Variants in RGS22 observed in about 807,000 individuals in gnomAD.
The protein encoded by RGS22 is regulator of G-protein signaling 22.
A neutral mutation model predicts 172.9 loss-of-function variants in RGS22; 148 were observed. The ratio of observed to expected loss-of-function variants is 0.86; its 90% CI spans 0.75 to 0.98. The LOEUF is 0.98. Among genes scored for constraint, RGS22 ranks in the 50% least tolerant of loss-of-function variants. The pLI is 0.00. For synonymous variants in RGS22, 458 were observed against 480.2 expected, an observed-to-expected ratio of 0.95 and a Z score of 0.60; for missense variants, 1,347 against 1,440.8, an observed-to-expected ratio of 0.93 and a Z score of 1.05.
intron 4 of RGS22, among the ~76,000 whole-genome samples, chr8:100,076,720 C>T (rs558009284): frequency 4.2e-4 from 64 of 152,240 alleles, no homozygotes; most frequent in African/African-American, 1.3e-3. Flanking sequence ...GGGCCGGGCA[C>T]GGTGGTTCAT....
intron 14 of RGS22, among the ~76,000 whole-genome samples, chr8:100,029,593 C>T (rs1204643454): frequency 1.3e-5 from 2 of 150,962 alleles, no homozygotes; most frequent in Non-Finnish European, 2.9e-5. Flanking sequence ...ATCCCAGCTA[C>T]TTGGGAGGCT....
chr8:99,965,472 T>C (rs1306615361), intron 23 of RGS22, 42 bp from the exon 24 acceptor site: 1 of 1,363,714 alleles, frequency 7.3e-7, no homozygotes, highest in Non-Finnish European at 1.0e-6. Context: ...GAAAAGATAA[T>C]GATATGTTAA....
At chr8:100,066,125 T>C (rs1458742844) in intron 7 of RGS22, 42 bp downstream of exon 7, 1 of 1,585,556 alleles carries the variant, frequency 6.3e-7, no homozygotes, top group East Asian at 2.3e-5. Context: ...AACAAAAACT[T>C]AAAGAGAAGT....
chr8:100,031,347 C>T lies in RGS22; in HGVS notation c.2166+7584G>A, dbSNP rs138032079. 2.2e-3 allele frequency among the ~76,000 whole-genome samples: 330 copies of T among 152,150 alleles called. 2 individuals are homozygous for T. Among genetic ancestry groups the T allele is most frequent in the African/African-American group, 7.2e-3 (300 of 41,522 alleles). On this transcript the variant is annotated intron_variant, in intron 14 of 27. Coordinates refer to ENST00000360863, the MANE Select transcript of RGS22 (RefSeq NM_015668.5). ...TTAAAATAACAGTGTGTTACCCTGA[C>T]GTCCAATCCAATAAGACAAAAATCT... is the stretch of plus-strand genomic sequence containing the variant.
chr8:100,066,761 T>C (rs1014254642), intron 6 of RGS22, among the ~76,000 whole-genome samples: 6 of 152,312 alleles, frequency 3.9e-5, no homozygotes, highest in Admixed American at 3.9e-4. Context: ...AGAGACACTA[T>C]TCTTAGTGCC....
chr8:99,969,033 G>A lies in RGS22; in HGVS notation c.3520-3603C>T, dbSNP rs76689240. Among the ~76,000 whole-genome samples, 80 of 152,230 alleles carry A rather than the reference G, an allele frequency of 5.3e-4. 1 individual carries two copies. The highest frequency in any genetic ancestry group is 2.0e-3 in the Admixed American group (31 of 15,290). On this transcript the variant is annotated intron_variant, in intron 23 of 27. Transcript: ENST00000360863. ...AAGGGAAGACCATCAGACTGACAGC[G>A]GATCTCTCGGCAGAAACCCCATAGG...
At chr8:99,984,867 A>G (rs1812918273) in intron 21 of RGS22, among the ~76,000 whole-genome samples, 1 of 152,094 alleles carries the variant, frequency 6.6e-6, no homozygotes, top group Admixed American at 6.6e-5. Context: ...AGTTTTTAAA[A>G]AAGATCAATG....
intron 14 of RGS22, among the ~76,000 whole-genome samples, chr8:100,015,081 C>T (rs192963780): frequency 6.6e-6 from 1 of 152,300 alleles, no homozygotes; most frequent in African/African-American, 2.4e-5. Context: ...AAAAATTTAA[C>T]AATCAATGTG....
At position 100,072,229 on chromosome 8, in the gene RGS22, C is replaced by T. The variant is rs375674326; in HGVS notation, c.341G>A (p.Cys114Tyr). 1 of 1,566,602 alleles carries T rather than the reference C, an allele frequency of 6.4e-7. No individual in the cohort carries two copies. The highest frequency in any genetic ancestry group is 8.7e-7 in the Non-Finnish European group (1 of 1,155,956). ...CTTAATACCTTCTTCACGACTGAGA[C>T]ACTATGAGAAGAAAGAGAAAAAGAA... ...ETINVNYNIM[C>Y]LSREEGIKWI... Residue 114 changes from cysteine (C) to tyrosine (Y), a missense_variant and splice_region_variant, in exon 5 of 28, where the codon TGT becomes TAT. Physicochemically the swap from Cys to Tyr is radical, Grantham distance 194 (BLOSUM62 -2). Transcript: ENST00000360863.
At chr8:99,984,510 G>A (rs550035855) in intron 21 of RGS22, among the ~76,000 whole-genome samples, 12 of 152,116 alleles carry the variant, frequency 7.9e-5, no homozygotes, top group Non-Finnish European at 1.5e-4. Flanking sequence ...TAAGGTCTGA[G>A]TTTAAGCATA....
chr8:100,047,929 T>A (rs771598736), intron 10 of RGS22, among the ~76,000 whole-genome samples: 1 of 150,078 alleles, frequency 6.7e-6, no homozygotes, highest in Non-Finnish European at 1.5e-5. Flanking sequence ...TAGAGCTAGA[T>A]GTATGTATGT....
chr8:100,084,837 C>A (rs748860830), intron 3 of RGS22, among the ~76,000 whole-genome samples: 1 of 152,184 alleles, frequency 6.6e-6, no homozygotes, highest in Non-Finnish European at 1.5e-5. Context: ...CTTGAAGGAA[C>A]AAGTACATGA....
In RGS22 at chr8:100,063,066, T is replaced by G. The variant is rs892986704; in HGVS notation, c.1353-314A>C. Among the ~76,000 whole-genome samples the G allele has an allele frequency of 2.6e-5, 4 of 152,194 alleles. No individual in the cohort carries two copies. In the East Asian group the frequency reaches 7.7e-4, roughly 29 times the overall value. On this transcript the variant is annotated intron_variant, in intron 8 of 27. Coordinates refer to ENST00000360863, the MANE Select transcript of RGS22 (RefSeq NM_015668.5). ...AGAGTAGGTGTCTATTTTATGCTAG[T>G]GTGGTTATATAACTGATAAATTATT...
intron 4 of RGS22, among the ~76,000 whole-genome samples, chr8:100,079,799 G>A (rs950058675): frequency 2.0e-5 from 3 of 152,008 alleles, no homozygotes; most frequent in African/African-American, 7.3e-5. Context: ...GATAGGATTG[G>A]TTCAAAACCC....
chr8:100,090,372 G>A (rs1455497964), intron 3 of RGS22, among the ~76,000 whole-genome samples: 1 of 152,062 alleles, frequency 6.6e-6, no homozygotes, highest in Admixed American at 6.6e-5. Context: ...GGATTGGTGG[G>A]CTAGGGGAGG....
intron 10 of RGS22, among the ~76,000 whole-genome samples, chr8:100,049,829 C>G (rs1821093791): frequency 6.6e-6 from 1 of 152,068 alleles, no homozygotes; most frequent in African/African-American, 2.4e-5. Flanking sequence ...GGGCAGATCA[C>G]CTGGGTCAGG....
In RGS22 at chr8:100,080,126, T is replaced by C. The variant is rs777933851; in HGVS notation, c.339+8A>G. 3 of 1,569,842 alleles carry C rather than the reference T, an allele frequency of 1.9e-6. No individual in the cohort carries two copies. The highest frequency in any genetic ancestry group is 2.6e-6 in the Non-Finnish European group (3 of 1,143,710). On this transcript the variant is annotated splice_region_variant and intron_variant, in intron 4 of 27. Transcript: ENST00000360863. ...TATCTAACAAGATAAAACAGTATAC[T>C]TTCTTACCATAATATTGTAGTTGAC...
intron 20 of RGS22, 81 bp from the exon 21 acceptor site, chr8:99,987,700 T>G (rs936724622): frequency 5.6e-6 from 6 of 1,064,172 alleles, no homozygotes; most frequent in Non-Finnish European, 7.7e-6. Flanking sequence ...AAATTTTGCC[T>G]GTTGAAATGC....
chr8:99,969,944 G>A (rs1014132547), intron 23 of RGS22, among the ~76,000 whole-genome samples: 1 of 151,970 alleles, frequency 6.6e-6, no homozygotes, highest in Non-Finnish European at 1.5e-5. Context: ...TCTCAGCATC[G>A]GGTAGCACTT....
Sources: gnomAD v4.1 joint callset for allele counts (sites outside exome capture counted in the v4.1 genomes callset) on GRCh38, gnomAD v4.1.1 for gene constraint, MANE v1.5 for transcripts, NCBI Gene and HGNC (gene_info 2026-07-23, HGNC 2026-07-21) for gene names.